Variants in DCUN1D4 observed in about 807,000 individuals in gnomAD.
DCUN1D4 encodes DCN1-like protein 4.
Under a neutral mutation model 47.9 loss-of-function variants are expected in DCUN1D4, and 22 were observed. The observed-to-expected ratio is 0.46, with a 90% CI of 0.33 to 0.66. The LOEUF (loss-of-function observed/expected upper bound fraction) is 0.66. Among genes scored for constraint, DCUN1D4 ranks in the 30% least tolerant of loss-of-function variants. The pLI is 0.02. For missense variants in DCUN1D4, 301 were observed against 340.8 expected, an observed-to-expected ratio of 0.88 and a Z score of 0.92; for synonymous variants, 121 against 112.2, an observed-to-expected ratio of 1.08 and a Z score of -0.50.
chr4:51,883,894 TTG>T (rs992527738), intron 5 of DCUN1D4, among the ~76,000 whole-genome samples: 2 of 151,594 alleles, frequency 1.3e-5, no homozygotes, highest in African/African-American at 4.8e-5. Context: ...AAATGAAACT[TTG>T]TATCATGTTT....
At chr4:51,874,104 C>T (rs907951616) in intron 3 of DCUN1D4, among the ~76,000 whole-genome samples, 167 bp from the exon 4 acceptor site, 8 of 152,070 alleles carry the variant, frequency 5.3e-5, no homozygotes, top group Admixed American at 5.2e-4. Context: ...TATTTCTTGA[C>T]CATAACATTT....
At chr4:51,911,256 TTTTG>T in intron 9 of DCUN1D4, 82 bp downstream of exon 9, 1 of 1,333,884 alleles carries the variant, frequency 7.5e-7, no homozygotes. Flanking sequence ...GTATGTAATT[TTTTG>T]TTTGTTGTAC....
chr4:51,898,626 A>G (rs1335697204), intron 7 of DCUN1D4, among the ~76,000 whole-genome samples: 2 of 152,256 alleles, frequency 1.3e-5, no homozygotes. Context: ...ACAGGGACAG[A>G]CAGACATGAT....
At chr4:51,862,344 A>C (rs1181181789) in intron 1 of DCUN1D4, among the ~76,000 whole-genome samples, 1 of 152,254 alleles carries the variant, frequency 6.6e-6, no homozygotes, top group Non-Finnish European at 1.5e-5. Context: ...AAAGCTTTCT[A>C]ACTGTGAACA....
At chr4:51,865,474 C>G (rs1456261444) in intron 3 of DCUN1D4, 4 of 153,852 alleles carry the variant, frequency 2.6e-5, no homozygotes, top group Non-Finnish European at 4.4e-5. Context: ...GCATGCTGAC[C>G]TCCTCCACAG....
At chr4:51,898,116 A>C (rs553262389) in intron 7 of DCUN1D4, among the ~76,000 whole-genome samples, 1 of 152,190 alleles carries the variant, frequency 6.6e-6, no homozygotes, top group Non-Finnish European at 1.5e-5. Context: ...CAGAACTTCT[A>C]CTGGGAGAGG....
intron 9 of DCUN1D4, among the ~76,000 whole-genome samples, chr4:51,911,705 A>G (rs1199433521): frequency 6.6e-6 from 1 of 152,188 alleles, no homozygotes; most frequent in East Asian, 1.9e-4. Flanking sequence ...CAGTATCAGA[A>G]CAATCCAGCA....
At chr4:51,906,398 G>A (rs915663863) in intron 8 of DCUN1D4, among the ~76,000 whole-genome samples, 4 of 152,186 alleles carry the variant, frequency 2.6e-5, no homozygotes, top group Admixed American at 6.5e-5. Flanking sequence ...TCAACAACCC[G>A]TGTTATCAGA....
intron 1 of DCUN1D4, among the ~76,000 whole-genome samples, chr4:51,847,171 C>G (rs2109798433): frequency 6.6e-6 from 1 of 152,250 alleles, no homozygotes; most frequent in Non-Finnish European, 1.5e-5. Flanking sequence ...AGGTTATATC[C>G]CTGAACCAGC....
chr4:51,864,748 C>T (rs1725634130), intron 3 of DCUN1D4, among the ~76,000 whole-genome samples: 1 of 152,198 alleles, frequency 6.6e-6, no homozygotes, highest in African/African-American at 2.4e-5. Flanking sequence ...CTACCTCTTA[C>T]TACCAGCAGT....
chr4:51,867,577 T>C (rs749766953), intron 3 of DCUN1D4, among the ~76,000 whole-genome samples: 4 of 152,116 alleles, frequency 2.6e-5, no homozygotes, highest in Non-Finnish European at 5.9e-5. Context: ...TGTGCAGCCC[T>C]CGGTGGAGAG....
chr4:51,863,093 A>G (rs1725326356), intron 1 of DCUN1D4, among the ~76,000 whole-genome samples: 1 of 152,234 alleles, frequency 6.6e-6, no homozygotes, highest in Non-Finnish European at 1.5e-5. Flanking sequence ...TAATTGTACC[A>G]GTAATTCTAG....
intron 1 of DCUN1D4, chr4:51,844,502 C>A: frequency 1.4e-6 from 1 of 725,706 alleles, no homozygotes; most frequent in Non-Finnish European, 1.7e-6. Flanking sequence ...GCCCTGATGG[C>A]CGGGTCGGGG....
the DCUN1D4 span, among the ~76,000 whole-genome samples, chr4:51,834,114 C>CTTTTTTTTTTTTTTTTTTTTT: frequency 1.1e-4 from 4 of 37,204 alleles, 1 homozygote; most frequent in Admixed American, 2.8e-4. Flanking sequence ...TTTTTTTTTT[C>CTTTTTTTTTTTTTTTTTTTTT]TTTTTTTTTT....
At chr4:51,876,373 C>T (rs1008221614) in intron 4 of DCUN1D4, among the ~76,000 whole-genome samples, 3 of 150,462 alleles carry the variant, frequency 2.0e-5, no homozygotes, top group Non-Finnish European at 4.4e-5. Context: ...ACAATGAGAA[C>T]ACATGGACAC....
chr4:51,864,227 C>T (rs866427736), intron 3 of DCUN1D4, among the ~76,000 whole-genome samples: 24 of 152,068 alleles, frequency 1.6e-4, no homozygotes, highest in African/African-American at 5.8e-4. Flanking sequence ...TGTTAGGTTC[C>T]ACCCCAGAGT....
intron 1 of DCUN1D4, among the ~76,000 whole-genome samples, chr4:51,860,956 T>C (rs1402141641): frequency 6.6e-6 from 1 of 152,170 alleles, no homozygotes; most frequent in Non-Finnish European, 1.5e-5. Context: ...TAGGAAAAGT[T>C]AGAGACTATT....
At chr4:51,859,638 C>CAAAAAAAAA (rs35981680) in intron 1 of DCUN1D4, among the ~76,000 whole-genome samples, 2 of 39,494 alleles carry the variant, frequency 5.1e-5, no homozygotes, top group African/African-American at 1.1e-4. Context: ...TTAAAACAAG[C>CAAAAAAAAA]AAAAAAAAAA....
intron 6 of DCUN1D4, among the ~76,000 whole-genome samples, 166 bp from the exon 7 acceptor site, chr4:51,891,594 A>C (rs1027643496): frequency 6.6e-6 from 1 of 152,256 alleles, no homozygotes; most frequent in Non-Finnish European, 1.5e-5. Flanking sequence ...ATGTTTGCCA[A>C]ACTAGAACTC....
Sources: gnomAD v4.1 joint callset for allele counts (sites outside exome capture counted in the v4.1 genomes callset) on GRCh38, gnomAD v4.1.1 for gene constraint, MANE v1.5 for transcripts, NCBI Gene and HGNC (gene_info 2026-07-23, HGNC 2026-07-21) for gene names.